The following NRCAM variants were observed in gnomAD, a reference collection of about 807,000 sequenced individuals.
NRCAM encodes the protein neuronal cell adhesion molecule.
Under a neutral mutation model 156.5 loss-of-function variants are expected in NRCAM, and 83 were observed. That is an observed-to-expected ratio of 0.53 (90% CI 0.44 to 0.64). The LOEUF (loss-of-function observed/expected upper bound fraction) is 0.64. NRCAM is among the 30% of genes least tolerant of loss of function. The pLI is 0.00. For synonymous variants in NRCAM, 538 were observed against 563.9 expected (o/e 0.95, Z 0.65); for missense variants, 1,417 against 1,597.3 (o/e 0.89, Z 1.92).
intron 11 of NRCAM, among the ~76,000 whole-genome samples, chr7:108,217,218 G>A (rs1233261536): frequency 6.6e-6 from 1 of 152,246 alleles, no homozygotes; most frequent in Non-Finnish European, 1.5e-5. Context: ...GTCCACTCCA[G>A]ACACTGTTTG....
chr7:108,166,989 T>G lies in NRCAM; in HGVS notation c.3398A>C (p.Lys1133Thr). 6.2e-7 allele frequency: 1 copy of G among 1,613,902 alleles called. No homozygotes were observed. The highest frequency in any genetic ancestry group is 8.5e-7 in the Non-Finnish European group (1 of 1,179,830). The stretch of plus-strand genomic sequence containing the variant: ...GTCCCCCACAGCACCAACTCGAACT[T>G]TGTATGCTGTTCCTGGCATTAGACC... ...LKGLMPGTAY[K>T]VRVGAVGDSG... The change falls in exon 30 of 33, where the codon AAA (lysine) becomes ACA (threonine). Residue 1133 changes from lysine to threonine, a missense_variant. Coordinates refer to ENST00000379028, the MANE Select transcript of NRCAM (RefSeq NM_001037132.4).
intron 13 of NRCAM, among the ~76,000 whole-genome samples, chr7:108,205,732 TCATA>T (rs2080789314): frequency 6.6e-6 from 1 of 152,094 alleles, no homozygotes; most frequent in South Asian, 2.1e-4. Flanking sequence ...CCTGAGAAAA[TCATA>T]CATTGTACCA....
Position 108,181,941 on chromosome 7 carries a change from G to T in NRCAM, c.2531-4C>A. 1 of 1,589,682 alleles carries T rather than the reference G, an allele frequency of 6.3e-7. No individual in the cohort carries two copies. The highest frequency in any genetic ancestry group is 8.6e-7 in the Non-Finnish European group (1 of 1,158,294). ...TTCCCAGGAGCCACCATTGGGACTA[G>T]GAAAAGGACAGGGAAGTGGTAGAAG... On this transcript the variant is annotated splice_polypyrimidine_tract_variant and splice_region_variant and intron_variant, in intron 23 of 32. Coordinates refer to ENST00000379028, the MANE Select transcript of NRCAM (RefSeq NM_001037132.4).
At chr7:108,177,429 C>T (rs1457097781) in intron 26 of NRCAM, among the ~76,000 whole-genome samples, 1 of 152,060 alleles carries the variant, frequency 6.6e-6, no homozygotes, top group Admixed American at 6.5e-5. Flanking sequence ...CAAGACCATC[C>T]TGGCTAACAT....
chr7:108,167,049 ATTT>A lies in NRCAM; in HGVS notation c.3335_3337del (p.Glu1112_Ile1113delinsVal). ...AAAGAAGCTCCGAGAACCATTTACA[ATTT>A]CTTTTCTCCATTCTTCTTTGCCTAT... On this transcript the variant is annotated inframe_deletion, in exon 30 of 33. Coordinates refer to ENST00000379028, the MANE Select transcript of NRCAM (RefSeq NM_001037132.4). The A allele has an allele frequency of 6.2e-7, 1 of 1,613,674 alleles. No homozygotes were observed. The highest frequency in any genetic ancestry group is 8.5e-7 in the Non-Finnish European group (1 of 1,179,728).
intron 3 of NRCAM, among the ~76,000 whole-genome samples, chr7:108,274,035 A>C (rs369531754): frequency 1.3e-5 from 2 of 152,286 alleles, no homozygotes; most frequent in South Asian, 2.1e-4. Context: ...CAGGTTTGTC[A>C]AAGATTAGAT....
At chr7:108,205,354 G>C (rs1031696034) in intron 13 of NRCAM, among the ~76,000 whole-genome samples, 2 of 152,186 alleles carry the variant, frequency 1.3e-5, no homozygotes, top group African/African-American at 4.8e-5. Context: ...CCCAGTCTAA[G>C]GCATTTTGTT....
chr7:108,250,751 G>T (rs1379068822), intron 3 of NRCAM, among the ~76,000 whole-genome samples: 11 of 151,902 alleles, frequency 7.2e-5, no homozygotes, highest in Admixed American at 2.0e-4. Context: ...ATAACTAAAA[G>T]AGTATAATTG....
chr7:108,177,671 G>GTATA (rs1390373768), intron 26 of NRCAM, among the ~76,000 whole-genome samples: 1 of 17,124 alleles, frequency 5.8e-5, no homozygotes, highest in Non-Finnish European at 2.4e-4. Flanking sequence ...GTATATACGT[G>GTATA]TATATATATA....
intron 1 of NRCAM, among the ~76,000 whole-genome samples, chr7:108,418,539 T>G (rs1190362318): frequency 6.7e-6 from 1 of 149,512 alleles, no homozygotes; most frequent in Admixed American, 6.8e-5. Context: ...GGGAGAGGTC[T>G]TTTATCTGGT....
At chr7:108,384,189 C>T (rs2154363032) in intron 2 of NRCAM, among the ~76,000 whole-genome samples, 1 of 152,034 alleles carries the variant, frequency 6.6e-6, no homozygotes, top group East Asian at 1.9e-4. Context: ...CAACAAACCC[C>T]AAAGACATGT....
chr7:108,215,341 T>C lies in NRCAM; in HGVS notation c.891-5736A>G, dbSNP rs1019583077. ...CATTCTCCTGCCTCAGCCTCCCAAG[T>C]AGCTGGGACTACAGGTGCCTGCCAC... On this transcript the variant is annotated intron_variant, in intron 11 of 32. Transcript: ENST00000379028. 2.0e-5 allele frequency among the ~76,000 whole-genome samples: 3 copies of C among 151,690 alleles called. No homozygotes were observed. In the East Asian group the frequency reaches 5.8e-4, roughly 29 times the overall value.
At chr7:108,381,862 G>A (rs1269794463) in intron 2 of NRCAM, among the ~76,000 whole-genome samples, 3 of 152,046 alleles carry the variant, frequency 2.0e-5, no homozygotes, top group Non-Finnish European at 2.9e-5. Context: ...CGCCTGGCCT[G>A]CCTTGACCAT....
At chr7:108,343,365 TAGG>T (rs1240987650) in intron 2 of NRCAM, among the ~76,000 whole-genome samples, 15 of 152,138 alleles carry the variant, frequency 9.9e-5, no homozygotes, top group Admixed American at 5.9e-4. Flanking sequence ...AGGAAGCCAT[TAGG>T]AGATTATTAT....
At chr7:108,340,429 G>A (rs62469219) in intron 2 of NRCAM, among the ~76,000 whole-genome samples, 43,400 of 151,788 alleles carry the variant, frequency 0.29, 6,632 homozygotes, top group East Asian at 0.55. Flanking sequence ...ATGGAGAGAT[G>A]TAATGTTACT....
At chr7:108,184,728 T>A in intron 20 of NRCAM, 114 bp from the exon 21 acceptor site, 1 of 784,898 alleles carries the variant, frequency 1.3e-6, no homozygotes, top group Non-Finnish European at 2.0e-6. Flanking sequence ...CATGAATTAT[T>A]TTACTTTCAA....
At chr7:108,217,056 C>G (rs2089530344) in intron 11 of NRCAM, among the ~76,000 whole-genome samples, 1 of 132,004 alleles carries the variant, frequency 7.6e-6, no homozygotes, top group Non-Finnish European at 1.8e-5. Context: ...GTGGATTTAT[C>G]TACCTTTGGT....
intron 32 of NRCAM, chr7:108,150,639 T>C: frequency 2.0e-6 from 1 of 507,582 alleles, no homozygotes; most frequent in Admixed American, 2.4e-5. Context: ...AGCAAAATCC[T>C]GCATTTCAAA....
At chr7:108,281,832 A>G (rs2097871235) in intron 3 of NRCAM, among the ~76,000 whole-genome samples, 1 of 152,250 alleles carries the variant, frequency 6.6e-6, no homozygotes. Context: ...ACTGGATGTA[A>G]TAATAACCAA....
Sources: gnomAD v4.1 joint callset for allele counts (sites outside exome capture counted in the v4.1 genomes callset) on GRCh38, gnomAD v4.1.1 for gene constraint, MANE v1.5 for transcripts, NCBI Gene and HGNC (gene_info 2026-07-23, HGNC 2026-07-21) for gene names.